The following TCF7L2 variants were observed in gnomAD, a reference collection of about 807,000 sequenced individuals.
TCF7L2 encodes transcription factor 7-like 2.
TCF7L2 carries 23 observed loss-of-function variants against 77.9 expected under a neutral mutation model. That is an observed-to-expected ratio of 0.30 (90% CI 0.21 to 0.42). TCF7L2 has a LOEUF of 0.42. Among genes scored for constraint, TCF7L2 ranks in the 10% least tolerant of loss-of-function variants. The probability of loss-of-function intolerance (pLI) is 1.00; values close to 1 mark genes in which losing one functional copy is unlikely to be tolerated. For synonymous variants in TCF7L2, 413 were observed against 340.2 expected (o/e 1.21, Z -2.36); for missense variants, 654 against 793.1 (o/e 0.82, Z 2.11).
At chr10:113,032,187 G>A (rs2050343909) in intron 4 of TCF7L2, among the ~76,000 whole-genome samples, 1 of 152,212 alleles carries the variant, frequency 6.6e-6, no homozygotes, top group African/African-American at 2.4e-5. Flanking sequence ...AGCCTAAGGG[G>A]CCCATTGGTT....
chr10:113,099,471 T>C (rs2061398170), intron 5 of TCF7L2, among the ~76,000 whole-genome samples: 1 of 152,128 alleles, frequency 6.6e-6, no homozygotes, highest in Admixed American at 6.6e-5. Context: ...CCTCAGTGCA[T>C]CCCCACCCAG....
At chr10:113,118,664 GT>G (rs78459197) in intron 5 of TCF7L2, among the ~76,000 whole-genome samples, 6,220 of 68,054 alleles carry the variant, frequency 0.091, 314 homozygotes, top group Admixed American at 0.27. Flanking sequence ...GTTTTTTTTT[GT>G]TTTTTTTTTT....
At chr10:113,012,550 G>A (rs556858846) in intron 4 of TCF7L2, among the ~76,000 whole-genome samples, 86 of 152,234 alleles carry the variant, frequency 5.6e-4, no homozygotes, top group African/African-American at 1.8e-3. Context: ...GAGATACCCA[G>A]GACTTTTGAA....
intron 5 of TCF7L2, among the ~76,000 whole-genome samples, chr10:113,130,957 G>A (rs543399025): frequency 1.1e-4 from 16 of 152,010 alleles, no homozygotes; most frequent in African/African-American, 3.6e-4. Flanking sequence ...GTAGAGACGG[G>A]GTTTCATCAC....
intron 5 of TCF7L2, among the ~76,000 whole-genome samples, chr10:113,093,002 G>C (rs1192588494): frequency 6.6e-6 from 1 of 152,178 alleles, no homozygotes; most frequent in African/African-American, 2.4e-5. Context: ...CTAAGTTTGA[G>C]TCCAACACTC....
At chr10:113,073,871 T>C (rs1013920572) in intron 5 of TCF7L2, among the ~76,000 whole-genome samples, 1 of 152,162 alleles carries the variant, frequency 6.6e-6, no homozygotes, top group African/African-American at 2.4e-5. Context: ...CATGTGCGAG[T>C]TGCTGGCGCA....
At chr10:113,019,471 T>A (rs1038149848) in intron 4 of TCF7L2, among the ~76,000 whole-genome samples, 1 of 152,158 alleles carries the variant, frequency 6.6e-6, no homozygotes, top group Non-Finnish European at 1.5e-5. Flanking sequence ...GTCATAGGAC[T>A]TCACTCCACA....
chr10:113,019,798 ATTT>A (rs76642887), intron 4 of TCF7L2, among the ~76,000 whole-genome samples: 110 of 147,804 alleles, frequency 7.4e-4, no homozygotes, highest in African/African-American at 2.0e-3. Context: ...AACAGCTGAC[ATTT>A]TTTTTTTTTT....
At chr10:113,019,266 G>T (rs1308517612) in intron 4 of TCF7L2, among the ~76,000 whole-genome samples, 1 of 152,218 alleles carries the variant, frequency 6.6e-6, no homozygotes, top group Non-Finnish European at 1.5e-5. Context: ...GTTCTGGTGG[G>T]ATCTGGGGTC....
At chr10:112,981,326 GAAAGAAAA>G in intron 4 of TCF7L2, among the ~76,000 whole-genome samples, 1 of 151,010 alleles carries the variant, frequency 6.6e-6, no homozygotes, top group Admixed American at 6.6e-5. Context: ...AAAAAATAAA[GAAAGAAAA>G]AAAGGGGAAA....
intron 4 of TCF7L2, among the ~76,000 whole-genome samples, chr10:112,971,705 C>G (rs187049596): frequency 6.7e-6 from 1 of 148,930 alleles, no homozygotes; most frequent in Non-Finnish European, 1.5e-5. Flanking sequence ...CTCCGCTTCC[C>G]GGGTTCAAGC....
At chr10:113,055,194 C>T (rs2055173878) in intron 5 of TCF7L2, among the ~76,000 whole-genome samples, 1 of 152,230 alleles carries the variant, frequency 6.6e-6, no homozygotes, top group Non-Finnish European at 1.5e-5. Flanking sequence ...TATTGTCAAG[C>T]TCTCCAGAAC....
chr10:112,955,772 A>G (rs7079073), intron 3 of TCF7L2, among the ~76,000 whole-genome samples: 56,542 of 152,046 alleles, frequency 0.37, 11,984 homozygotes, highest in African/African-American at 0.59. Flanking sequence ...GAAGGTTTCC[A>G]GGGGCTTGCA....
chr10:113,095,709 C>T (rs921603948), intron 5 of TCF7L2, among the ~76,000 whole-genome samples: 1 of 152,168 alleles, frequency 6.6e-6, no homozygotes, highest in African/African-American at 2.4e-5. Context: ...TCATTGTAAA[C>T]GCTATCCTTT....
chr10:113,161,620 C>A (rs143900163), intron 13 of TCF7L2: 1 of 1,535,994 alleles, frequency 6.5e-7, no homozygotes, highest in Non-Finnish European at 8.7e-7. Flanking sequence ...ATTTCAACAC[C>A]CTAAACACGC....
At chr10:113,004,531 C>A (rs1418539154) in intron 4 of TCF7L2, among the ~76,000 whole-genome samples, 2 of 152,248 alleles carry the variant, frequency 1.3e-5, no homozygotes, top group South Asian at 2.1e-4. Context: ...AATTTCTTTT[C>A]AAAAATTTTA....
At chr10:112,986,711 C>T (rs1209196421) in intron 4 of TCF7L2, among the ~76,000 whole-genome samples, 1 of 152,132 alleles carries the variant, frequency 6.6e-6, no homozygotes, top group Admixed American at 6.5e-5. Context: ...CTGTGTACCT[C>T]CCTTTCTTGC....
At chr10:113,008,818 C>T (rs1224337049) in intron 4 of TCF7L2, among the ~76,000 whole-genome samples, 1 of 152,082 alleles carries the variant, frequency 6.6e-6, no homozygotes, top group African/African-American at 2.4e-5. Flanking sequence ...CTGTTGACTC[C>T]TAGGGCTCCC....
At chr10:113,133,983 C>A (rs1481027701) in intron 5 of TCF7L2, among the ~76,000 whole-genome samples, 1 of 152,224 alleles carries the variant, frequency 6.6e-6, no homozygotes, top group African/African-American at 2.4e-5. Flanking sequence ...TTCTGCATCT[C>A]ACAGGCAGAT....
Sources: allele counts gnomAD v4.1 joint callset (sites outside exome capture counted in the v4.1 genomes callset), GRCh38; gene constraint gnomAD v4.1.1; transcripts MANE v1.5; gene names NCBI Gene and HGNC (gene_info 2026-07-23, HGNC 2026-07-21).